The following NOTCH3 variants were observed in gnomAD, a reference collection of about 807,000 sequenced individuals.
The protein encoded by NOTCH3 is notch receptor 3.
A neutral mutation model predicts 213.3 loss-of-function variants in NOTCH3; 86 were observed. The observed-to-expected ratio is 0.40, with a 90% CI of 0.34 to 0.48. The LOEUF (loss-of-function observed/expected upper bound fraction) is 0.48. NOTCH3 is among the 20% of genes least tolerant of loss of function. The probability of loss-of-function intolerance (pLI) is 0.57; values close to 1 mark genes in which losing one functional copy is unlikely to be tolerated. For synonymous variants in NOTCH3, 1,354 were observed against 1,355.9 expected (o/e 1.00, Z 0.03); for missense variants, 2,783 against 3,272.6 (o/e 0.85, Z 3.65).
In NOTCH3 at chr19:15,185,498, A is replaced by C. The variant is rs764575785; in HGVS notation, c.2133T>G (p.Asp711Glu). 6.2e-7 allele frequency: 1 copy of C among 1,613,300 alleles called. No homozygotes were observed. The highest frequency in any genetic ancestry group is 8.5e-7 in the Non-Finnish European group (1 of 1,179,804). The change falls in exon 13 of 33, where the codon GAT becomes GAG. Residue 711 changes from aspartate to glutamate, a missense_variant. Asp to Glu is a conservative substitution (Grantham distance 45, BLOSUM62 2). Around this residue, in one of 6 missense-constraint regions of NOTCH3, gnomAD observed 861 missense variants for 909.1 expected, o/e 0.95. Coordinates refer to ENST00000263388, the MANE Select transcript of NOTCH3 (RefSeq NM_000435.3). The surrounding 1 kb of genome is among the most constrained non-coding windows in gnomAD (Gnocchi z 4.2). Reference sequence around the variant, plus strand: ...AGAAGGGCCCTCACCCGCCAGGTGCATCATAGCAGATGCCGTGACTGCAGG... The same window carrying C: ...AGAAGGGCCCTCACCCGCCAGGTGCCTCATAGCAGATGCCGTGACTGCAGG... ...HEPCSHGICY[D>E]APGGFRCVCE...
Position 15,186,963 on chromosome 19 carries a change from G to A in NOTCH3, c.1866C>T (p.Asp622=), listed in dbSNP as rs777959915. The A allele has an allele frequency of 8.1e-6, 13 of 1,614,066 alleles. No homozygotes were observed. Among genetic ancestry groups the A allele is most frequent in the East Asian group, 2.2e-5 (1 of 44,888 alleles). ...AGGTGCAGGGGTTGCTGGCACAGTCGTCAATGTTCACTTCGCAGTTCACAC... is the reference window on the plus strand; with the variant it reads ...AGGTGCAGGGGTTGCTGGCACAGTCATCAATGTTCACTTCGCAGTTCACAC... ...TTGVNCEVNI[D]DCASNPCTFG... Residue 622 remains aspartate, a synonymous_variant, in exon 12 of 33, where the codon GAC becomes GAT. Coordinates refer to ENST00000263388, the MANE Select transcript of NOTCH3 (RefSeq NM_000435.3).
chr19:15,178,747 C>T (rs1568354513), intron 23 of NOTCH3, 76 bp downstream of exon 23: 1 of 1,050,428 alleles, frequency 9.5e-7, no homozygotes, highest in Non-Finnish European at 1.4e-6. Flanking sequence ...CCACATCCTC[C>T]TCCTAGACGC....
Position 15,160,046 on chromosome 19 carries a change from A to G in NOTCH3, c.*616T>C, listed in dbSNP as rs1197294206. 6 of 233,358 alleles carry G rather than the reference A, an allele frequency of 2.6e-5. No individual in the cohort carries two copies. The highest frequency in any genetic ancestry group is 1.2e-3 in the Middle Eastern group (1 of 806). The allele number at this position is 233,358 out of a possible 1,614,324, so 14.5% of individuals were successfully genotyped here. On this transcript the variant is annotated 3_prime_UTR_variant, in exon 33 of 33. Coordinates refer to ENST00000263388, the MANE Select transcript of NOTCH3 (RefSeq NM_000435.3). ...GTGGGGTGGGGAGGAGGCTCCCAAC[A>G]CTCCCCCGACCCCTGGCCCCAGTGG... is the stretch of plus-strand genomic sequence containing the variant.
At chr19:15,197,449 C>G in intron 2 of NOTCH3, 51 bp downstream of exon 2, 1 of 847,646 alleles carries the variant, frequency 1.2e-6, no homozygotes, top group Non-Finnish European at 2.0e-6. Flanking sequence ...TCGCCCCTCC[C>G]CCCCGCCCCC....
intron 2 of NOTCH3, among the ~76,000 whole-genome samples, chr19:15,195,965 TAGG>T (rs1340919234): frequency 6.7e-5 from 9 of 134,712 alleles, no homozygotes; most frequent in African/African-American, 2.0e-4. Context: ...AGGCGAGGAC[TAGG>T]AGATGGGGAC....
intron 31 of NOTCH3, among the ~76,000 whole-genome samples, chr19:15,164,784 G>A (rs544502106): frequency 8.5e-5 from 8 of 94,570 alleles, no homozygotes; most frequent in Admixed American, 1.1e-4. Context: ...ATTTGGCAAC[G>A]TCTGGAGACT....
chr19:15,178,135 G>T, intron 23 of NOTCH3, 45 bp from the exon 24 acceptor site: 3 of 1,230,422 alleles, frequency 2.4e-6, no homozygotes, highest in South Asian at 1.3e-5. Flanking sequence ...TGAGGGTGGG[G>T]AGTGGAGGGA....
intron 31 of NOTCH3, among the ~76,000 whole-genome samples, chr19:15,162,793 GCGTGCA>G (rs1298950015): frequency 1.3e-4 from 4 of 30,808 alleles, no homozygotes; most frequent in Non-Finnish European, 8.3e-4. Flanking sequence ...GTGTGTGTGT[GCGTGCA>G]TGTGCATGAC....
At position 15,185,502 on chromosome 19, in the gene NOTCH3, T is replaced by A; in HGVS notation, c.2129A>T (p.Tyr710Phe). ...GGGCCCTCACCCGCCAGGTGCATCATAGCAGATGCCGTGACTGCAGGGCTC... is the reference window on the plus strand; with the variant it reads ...GGGCCCTCACCCGCCAGGTGCATCAAAGCAGATGCCGTGACTGCAGGGCTC... ...AHEPCSHGIC[Y>F]DAPGGFRCVC... Residue 710 changes from tyrosine (Y) to phenylalanine (F), a missense_variant, in exon 13 of 33, where the codon TAT (tyrosine) becomes TTT (phenylalanine). Coordinates refer to ENST00000263388, the MANE Select transcript of NOTCH3 (RefSeq NM_000435.3). The surrounding 1 kb of genome is among the most constrained non-coding windows in gnomAD (Gnocchi z 4.2). The A allele has an allele frequency of 3.1e-6, 5 of 1,611,464 alleles. No individual in the cohort carries two copies. The highest frequency in any genetic ancestry group is 4.2e-6 in the Non-Finnish European group (5 of 1,179,478).
chr19:15,184,372 G>T lies in NOTCH3; in HGVS notation c.2489C>A (p.Ala830Glu). 1 of 1,613,792 alleles carries T rather than the reference G, an allele frequency of 6.2e-7. No homozygotes were observed. Among genetic ancestry groups the T allele is most frequent in the Admixed American group, 1.7e-5 (1 of 60,010 alleles). ...CGPHGICTNL[A>E]GSFSCTCHGG... ...ATGGCAGGTGCAGCTGAAACTCCCT[G>T]CCAGGTTGGTGCAGATACCATGAGG... Residue 830 changes from alanine (A) to glutamate (E), a missense_variant, in exon 16 of 33, where the codon GCA becomes GAA. Physicochemically the swap from Ala to Glu is moderately radical, Grantham distance 107 (BLOSUM62 -1). Transcript: ENST00000263388.
chr19:15,181,715 C>G lies in NOTCH3; in HGVS notation c.2653G>C (p.Ala885Pro). 2.5e-6 allele frequency: 4 copies of G among 1,569,296 alleles called. No homozygotes were observed. The highest frequency in any genetic ancestry group is 3.5e-6 in the Non-Finnish European group (4 of 1,156,668). ...CLPGFAGPRC[A>P]RDVDECLSNP... ...CTCAGGCACTCATCCACATCGCGGGCGCATCGTGGGCCGGCGAAACCAGGG... is the reference window on the plus strand; with the variant it reads ...CTCAGGCACTCATCCACATCGCGGGGGCATCGTGGGCCGGCGAAACCAGGG... Residue 885 changes from alanine (A) to proline (P), a missense_variant, in exon 17 of 33, where the codon GCC (alanine) becomes CCC (proline). Coordinates refer to ENST00000263388, the MANE Select transcript of NOTCH3 (RefSeq NM_000435.3).
rs1159030390 is a variant in NOTCH3 at position 15,185,403 on chromosome 19, CG to C, written c.2149del (p.Arg717AlafsTer143). The C allele has an allele frequency of 6.2e-7, 1 of 1,611,670 alleles. No homozygotes were observed. Among genetic ancestry groups the C allele is most frequent in the African/African-American group, 1.3e-5 (1 of 74,874 alleles). ...GICYDAPGGF[R>X]CVCEPGWSGP... ...ACTCCAGCCAGGCTCACACACACAG[CG>C]GAACCTGGCAGGGGAAGGTAGTCAG... On this transcript the variant is annotated frameshift_variant, in exon 14 of 33. Transcript: ENST00000263388. LOFTEE classifies it high-confidence loss of function. The surrounding 1 kb of genome is among the most constrained non-coding windows in gnomAD (Gnocchi z 4.2).
chr19:15,188,564 G>T (rs2046902658), intron 8 of NOTCH3, among the ~76,000 whole-genome samples: 1 of 152,050 alleles, frequency 6.6e-6, no homozygotes, highest in South Asian at 2.1e-4. Flanking sequence ...GTCCGCAGAG[G>T]CCTTGCCTTC....
Position 15,191,978 on chromosome 19 carries a change from C to A in NOTCH3, c.661G>T (p.Asp221Tyr), listed in dbSNP as rs530724830. The change falls in exon 4 of 33, where the codon GAC becomes TAC. Residue 221 changes from aspartate (D) to tyrosine (Y), a missense_variant. By Grantham distance (160) the Asp-to-Tyr change is radical. Coordinates refer to ENST00000263388, the MANE Select transcript of NOTCH3 (RefSeq NM_000435.3). ...TCRQSGDLTY[D>Y]CACLPGFEGQ... ...CACTCACCAGGAAGACAGGCACAGTCGTAAGTGAGGTCGCCACTCTGCCTG... is the reference window on the plus strand; with the variant it reads ...CACTCACCAGGAAGACAGGCACAGTAGTAAGTGAGGTCGCCACTCTGCCTG... The A allele has an allele frequency of 6.2e-7, 1 of 1,613,466 alleles. No homozygotes were observed. The highest frequency in any genetic ancestry group is 1.1e-5 in the South Asian group (1 of 91,070).
At position 15,174,331 on chromosome 19, in the gene NOTCH3, C is replaced by T. The variant is rs2145409253; in HGVS notation, c.4473G>A (p.Glu1491=). The change falls in exon 25 of 33, where the codon GAG becomes GAA. Residue 1491 remains glutamate, a synonymous_variant. Coordinates refer to ENST00000263388, the MANE Select transcript of NOTCH3 (RefSeq NM_000435.3). ...AATCCAGCCCATCCCAGCCGCACTCCTCCGTGTTGCAGCCCTGGTCGCAGC... is the reference window on the plus strand; with the variant it reads ...AATCCAGCCCATCCCAGCCGCACTCTTCCGTGTTGCAGCCCTGGTCGCAGC... ...DGRCDQGCNT[E]ECGWDGLDCA... The T allele has an allele frequency of 6.4e-7, 1 of 1,552,872 alleles. No homozygotes were observed. The highest frequency in any genetic ancestry group is 1.4e-5 in the African/African-American group (1 of 73,240).
intron 23 of NOTCH3, 116 bp downstream of exon 23, chr19:15,178,707 A>G: frequency 1.3e-6 from 1 of 788,534 alleles, no homozygotes; most frequent in Admixed American, 2.0e-5. Context: ...TTTTCCAGAA[A>G]CTCCCTTCCC....
intron 24 of NOTCH3, among the ~76,000 whole-genome samples, chr19:15,177,260 A>AG (rs954994142): frequency 5.9e-5 from 9 of 152,128 alleles, no homozygotes; most frequent in African/African-American, 2.2e-4. Flanking sequence ...GGAAAAAAAA[A>AG]AAAAAGTAAT....
At chr19:15,171,276 G>T (rs2046731723) in intron 25 of NOTCH3, among the ~76,000 whole-genome samples, 1 of 152,118 alleles carries the variant, frequency 6.6e-6, no homozygotes, top group African/African-American at 2.4e-5. Context: ...GATCCTCCCT[G>T]CCTTGGCCTC....
rs1162467192 is a variant in NOTCH3 at position 15,173,104 on chromosome 19, CTTTTTTTTTTT to C, written c.4736+953_4736+963del. Among the ~76,000 whole-genome samples the C allele has an allele frequency of 1.0e-3, 20 of 19,248 alleles. 1 individual carries two copies. The highest frequency in any genetic ancestry group is 9.6e-3 in the African/African-American group (18 of 1,874). The allele number at this position is 19,248 out of a possible 152,430, so 12.6% of individuals were successfully genotyped here. Reference sequence around the variant, plus strand: ...TCTTCTTCTTCTTCTTCTTCTTCTTCTTTTTTTTTTTTTTTTTTTTTTTTAAGAGATCGGAG... The same window carrying C: ...TCTTCTTCTTCTTCTTCTTCTTCTTCTTTTTTTTTTTTTAAGAGATCGGAG... On this transcript the variant is annotated intron_variant, in intron 25 of 32. Transcript: ENST00000263388.
Sources: gnomAD v4.1 joint callset for allele counts (sites outside exome capture counted in the v4.1 genomes callset) on GRCh38, gnomAD v4.1.1 for gene constraint, gnomAD v4.1.1 regional missense constraint, Gnocchi (gnomAD v3.1) non-coding constraint, MANE v1.5 for transcripts, NCBI Gene and HGNC (gene_info 2026-07-23, HGNC 2026-07-21) for gene names.